Variants in RANBP9 observed in about 807,000 individuals in gnomAD.
The protein encoded by RANBP9 is RAN binding protein 9.
In RANBP9, 15 loss-of-function variants were observed where a neutral mutation model predicts 84.3. That is an observed-to-expected ratio of 0.18 (90% CI 0.12 to 0.27). RANBP9 has a LOEUF of 0.27. Ranked by LOEUF, RANBP9 falls within the 10% of genes least tolerant of loss-of-function variation. RANBP9 has a pLI of 1.00. For missense variants in RANBP9, 809 were observed against 912.8 expected (o/e 0.89, Z 1.46); for synonymous variants, 392 against 349.6 (o/e 1.12, Z -1.35).
chr6:13,683,189 C>T (rs1470852534), intron 2 of RANBP9, among the ~76,000 whole-genome samples: 2 of 152,180 alleles, frequency 1.3e-5, no homozygotes, highest in Admixed American at 6.5e-5. Flanking sequence ...ACTAAATCAT[C>T]CACAAAGCCA....
chr6:13,651,402 GT>G (rs58265160), intron 5 of RANBP9, among the ~76,000 whole-genome samples: 95,917 of 148,234 alleles, frequency 0.65, 31,712 homozygotes, highest in African/African-American at 0.81. Flanking sequence ...TTGTTTTTTT[GT>G]TTTTTTTTTG....
chr6:13,676,332 C>A (rs1765885552), intron 2 of RANBP9, among the ~76,000 whole-genome samples: 1 of 151,430 alleles, frequency 6.6e-6, no homozygotes, highest in African/African-American at 2.4e-5. Flanking sequence ...CCAAAAAAAA[C>A]AAACACTGGG....
chr6:13,684,026 C>T (rs542689029), intron 2 of RANBP9, among the ~76,000 whole-genome samples: 155 of 152,294 alleles, frequency 1.0e-3, no homozygotes, highest in Non-Finnish European at 1.6e-3. Flanking sequence ...ATCCAAGACT[C>T]ACATTCTGTT....
intron 12 of RANBP9, among the ~76,000 whole-genome samples, chr6:13,627,044 G>A (rs532034403): frequency 1.6e-4 from 24 of 152,178 alleles, no homozygotes; most frequent in Non-Finnish European, 2.4e-4. Flanking sequence ...ATATTGCTGA[G>A]TATTTCATTC....
At chr6:13,705,883 A>T in intron 1 of RANBP9, among the ~76,000 whole-genome samples, 1 of 151,778 alleles carries the variant, frequency 6.6e-6, no homozygotes, top group South Asian at 2.1e-4. Flanking sequence ...AAAAAAAAAA[A>T]AAAGAAACAT....
intron 2 of RANBP9, among the ~76,000 whole-genome samples, chr6:13,680,280 A>C (rs931108233): frequency 6.6e-6 from 1 of 152,194 alleles, no homozygotes; most frequent in African/African-American, 2.4e-5. Context: ...TTTCTGAAAT[A>C]AAACACTTGA....
chr6:13,637,680 C>T (rs1462072049), intron 10 of RANBP9, 128 bp downstream of exon 10: 5 of 922,854 alleles, frequency 5.4e-6, no homozygotes, highest in Non-Finnish European at 6.2e-6. Context: ...CTTTTATTCT[C>T]TGGGGGCTTA....
chr6:13,625,787 G>A, intron 12 of RANBP9, 23 bp from the exon 13 acceptor site: 1 of 1,497,196 alleles, frequency 6.7e-7, no homozygotes, highest in Non-Finnish European at 9.3e-7. Flanking sequence ...CATCGATTTG[G>A]TTTTAATTCA....
chr6:13,677,381 T>C (rs1765915779), intron 2 of RANBP9, among the ~76,000 whole-genome samples: 1 of 152,208 alleles, frequency 6.6e-6, no homozygotes, highest in South Asian at 2.1e-4. Flanking sequence ...CCTATGTTCA[T>C]GGACAGGAAG....
chr6:13,624,608 A>C (rs946412228), intron 13 of RANBP9, among the ~76,000 whole-genome samples: 44 of 152,206 alleles, frequency 2.9e-4, no homozygotes, highest in African/African-American at 9.9e-4. Context: ...AATGCACAAT[A>C]TGTGCAGTTA....
intron 2 of RANBP9, among the ~76,000 whole-genome samples, chr6:13,691,164 A>C (rs1170396309): frequency 7.5e-6 from 1 of 133,502 alleles, no homozygotes; most frequent in African/African-American, 2.9e-5. Context: ...ACTCCGTCTC[A>C]AAAAAAAAAA....
At chr6:13,704,847 G>A (rs1482444635) in intron 1 of RANBP9, among the ~76,000 whole-genome samples, 1 of 151,946 alleles carries the variant, frequency 6.6e-6, no homozygotes, top group Non-Finnish European at 1.5e-5. Flanking sequence ...CCTCCAAGAA[G>A]CTATCCCTGA....
intron 2 of RANBP9, among the ~76,000 whole-genome samples, chr6:13,684,867 T>A (rs1766132914): frequency 6.6e-6 from 1 of 152,164 alleles, no homozygotes; most frequent in African/African-American, 2.4e-5. Flanking sequence ...AAGACAGGCT[T>A]CCAGAAGTAG....
rs190436934 is a variant in RANBP9, at chr6:13,655,532, C to T, written c.904+1577G>A. Among the ~76,000 whole-genome samples, 3 of 152,048 alleles carry T rather than the reference C, an allele frequency of 2.0e-5. No homozygotes were observed. In the East Asian group the frequency reaches 5.8e-4, roughly 29 times the overall value. On this transcript the variant is annotated intron_variant, in intron 4 of 13. Coordinates refer to ENST00000011619, the MANE Select transcript of RANBP9 (RefSeq NM_005493.3). ...TAATGTGACTCCATTATTAGGTGCA[C>T]CTTTTTAAAGACACATCTTACATTT...
At chr6:13,629,891 C>G (rs1218245866) in intron 12 of RANBP9, among the ~76,000 whole-genome samples, 2 of 126,410 alleles carry the variant, frequency 1.6e-5, no homozygotes, top group African/African-American at 6.3e-5. Flanking sequence ...TCTCTCATGT[C>G]TCTGTCTCTC....
At chr6:13,650,761 G>C (rs923544409) in intron 5 of RANBP9, among the ~76,000 whole-genome samples, 1 of 152,112 alleles carries the variant, frequency 6.6e-6, no homozygotes, top group East Asian at 1.9e-4. Flanking sequence ...GAAAATCATG[G>C]GCATCAGCCT....
chr6:13,678,887 C>T (rs969214405), intron 2 of RANBP9, among the ~76,000 whole-genome samples: 1 of 152,176 alleles, frequency 6.6e-6, no homozygotes, highest in Middle Eastern at 3.4e-3. Flanking sequence ...AGAATAGCCA[C>T]TATTAATATA....
rs204232 is a variant in RANBP9 at position 13,658,847 on chromosome 6, T to G, written c.684-15A>C. The stretch of plus-strand genomic sequence containing the variant: ...TTCCCATGTAACTGTTGGCGGAGGT[T>G]GGGGGAGAGAAGAAAAGGACATTAT... On this transcript the variant is annotated splice_polypyrimidine_tract_variant and intron_variant, in intron 2 of 13. Coordinates refer to ENST00000011619, the MANE Select transcript of RANBP9 (RefSeq NM_005493.3). The G allele has an allele frequency of 0.6, 930,601 of 1,551,788 alleles. 282,536 individuals are homozygous for G. The highest frequency in any genetic ancestry group is 0.82 in the African/African-American group (59,879 of 73,254).
intron 2 of RANBP9, among the ~76,000 whole-genome samples, chr6:13,681,889 C>G (rs761931536): frequency 2.0e-5 from 3 of 151,618 alleles, no homozygotes; most frequent in South Asian, 4.2e-4. Context: ...GAGAGAGAGT[C>G]GTGCTGTCAC....
Sources: allele counts gnomAD v4.1 joint callset (sites outside exome capture counted in the v4.1 genomes callset), GRCh38; gene constraint gnomAD v4.1.1; transcripts MANE v1.5; gene names NCBI Gene and HGNC (gene_info 2026-07-23, HGNC 2026-07-21).